The following SEPTIN7 variants were observed in gnomAD, a reference collection of about 807,000 sequenced individuals.
SEPTIN7 encodes septin-7.
Under a neutral mutation model 63.3 loss-of-function variants are expected in SEPTIN7, and 10 were observed. The observed-to-expected ratio is 0.16, with a 90% CI of 0.10 to 0.27. The LOEUF is 0.27. Ranked by LOEUF, SEPTIN7 falls within the 10% of genes least tolerant of loss-of-function variation. SEPTIN7 has a pLI of 1.00. For missense variants in SEPTIN7, 310 were observed against 521.0 expected, an observed-to-expected ratio of 0.59 and a Z score of 3.94; for synonymous variants, 131 against 165.3, an observed-to-expected ratio of 0.79 and a Z score of 1.59.
chr7:35,813,803 C>A (rs1332861469), intron 1 of SEPTIN7, among the ~76,000 whole-genome samples: 2 of 152,142 alleles, frequency 1.3e-5, no homozygotes, highest in African/African-American at 4.8e-5. Flanking sequence ...TGATGAGTAA[C>A]TTGGGATATT....
chr7:35,896,925 A>G (rs1787990008), intron 11 of SEPTIN7, among the ~76,000 whole-genome samples: 1 of 152,232 alleles, frequency 6.6e-6, no homozygotes, highest in Admixed American at 6.5e-5. Flanking sequence ...CTGGTAGCCA[A>G]TATTCTGTCC....
chr7:35,908,690 T>C (rs1006210774), downstream of SEPTIN7, among the ~76,000 whole-genome samples: 2 of 152,102 alleles, frequency 1.3e-5, no homozygotes, highest in Non-Finnish European at 2.9e-5. Context: ...TTTTGTTCTC[T>C]TTGTTCTCTC....
chr7:35,816,506 G>T (rs1457028394), intron 1 of SEPTIN7, among the ~76,000 whole-genome samples: 1 of 152,064 alleles, frequency 6.6e-6, no homozygotes, highest in Non-Finnish European at 1.5e-5. Context: ...TCTACTTTTT[G>T]ACTATTATGG....
At chr7:35,816,431 ATAT>A (rs1340018996) in intron 1 of SEPTIN7, among the ~76,000 whole-genome samples, 1 of 152,006 alleles carries the variant, frequency 6.6e-6, no homozygotes, top group Non-Finnish European at 1.5e-5. Context: ...TTATTGCTGG[ATAT>A]TATTCTGTTG....
chr7:35,914,488 C>A, the SEPTIN7 span, among the ~76,000 whole-genome samples: 2 of 152,144 alleles, frequency 1.3e-5, no homozygotes, highest in African/African-American at 4.8e-5. Flanking sequence ...TCCGGGCTTT[C>A]TTTGGACTCA....
intron 3 of SEPTIN7, among the ~76,000 whole-genome samples, chr7:35,859,119 A>G (rs999231768): frequency 6.6e-6 from 1 of 151,678 alleles, no homozygotes; most frequent in African/African-American, 2.4e-5. Flanking sequence ...TAAAATCTTC[A>G]TTTTTATATA....
intron 4 of SEPTIN7, among the ~76,000 whole-genome samples, chr7:35,869,613 G>A (rs773055791): frequency 2.0e-5 from 3 of 152,142 alleles, no homozygotes; most frequent in Non-Finnish European, 4.4e-5. Flanking sequence ...TAAACATTAA[G>A]TTAGGTTAGT....
chr7:35,832,129 AAAACC>A (rs1431510821), intron 2 of SEPTIN7: 2 of 454,104 alleles, frequency 4.4e-6, no homozygotes, highest in Admixed American at 2.4e-5. Context: ...CTAGGAATAA[AAAACC>A]AATAGAAAAT....
chr7:35,872,840 A>G (rs375491528), intron 5 of SEPTIN7, 74 bp downstream of exon 5: 4 of 993,576 alleles, frequency 4.0e-6, no homozygotes, highest in African/African-American at 1.6e-5. Flanking sequence ...TCTTCTTAAC[A>G]TTTTAAAACT....
intron 2 of SEPTIN7, 144 bp downstream of exon 2, chr7:35,831,640 G>T: frequency 8.6e-6 from 2 of 233,410 alleles, no homozygotes; most frequent in South Asian, 4.9e-5. Context: ...TCAAATATTT[G>T]ACTTAAAAAT....
At chr7:35,853,054 G>A (rs1276637034) in intron 3 of SEPTIN7, among the ~76,000 whole-genome samples, 1 of 152,160 alleles carries the variant, frequency 6.6e-6, no homozygotes, top group African/African-American at 2.4e-5. Flanking sequence ...ATTAAAGGCT[G>A]TTGAACTTAG....
chr7:35,872,807 G>A, intron 5 of SEPTIN7, 41 bp downstream of exon 5: 1 of 1,327,314 alleles, frequency 7.5e-7, no homozygotes, highest in South Asian at 1.2e-5. Context: ...GTGCATTTGG[G>A]GTACTGGGGT....
rs553993276 is a variant in SEPTIN7, at chr7:35,882,882, G to A, written c.723+306G>A. Among the ~76,000 whole-genome samples, 7 of 152,020 alleles carry A rather than the reference G, an allele frequency of 4.6e-5. No individual in the cohort carries two copies. The South Asian group carries it at 1.5e-3, about 32-fold the overall frequency. ...CAAGTGATGAGAAAGGAGAGAATTC[G>A]TTCTGTTATGTTTTAATTGCCAGAC... On this transcript the variant is annotated intron_variant, in intron 8 of 13. Transcript: ENST00000350320.
At chr7:35,882,195 C>T (rs1365494242) in intron 7 of SEPTIN7, among the ~76,000 whole-genome samples, 1 of 151,712 alleles carries the variant, frequency 6.6e-6, no homozygotes, top group East Asian at 1.9e-4. Flanking sequence ...AGAGAAATCC[C>T]TTTCTGGAGT....
chr7:35,803,288 T>A, intron 1 of SEPTIN7: 1 of 265,462 alleles, frequency 3.8e-6, no homozygotes, highest in Non-Finnish European at 5.8e-6. Context: ...GAAGTCATTT[T>A]AAGTAAATCC....
intron 10 of SEPTIN7, among the ~76,000 whole-genome samples, chr7:35,888,281 A>T (rs1410981964): frequency 6.6e-6 from 1 of 152,248 alleles, no homozygotes; most frequent in Non-Finnish European, 1.5e-5. Flanking sequence ...TTAAATGGAA[A>T]TAAAGACTTT....
At chr7:35,869,042 G>A (rs576295273) in intron 4 of SEPTIN7, among the ~76,000 whole-genome samples, 1 of 152,294 alleles carries the variant, frequency 6.6e-6, no homozygotes, top group Non-Finnish European at 1.5e-5. Context: ...TCTTGTTGAG[G>A]TTGAAAGTCA....
intron 1 of SEPTIN7, 119 bp from the exon 2 acceptor site, chr7:35,831,373 T>C (rs887218262): frequency 1.7e-5 from 5 of 291,386 alleles, no homozygotes; most frequent in Middle Eastern, 1.0e-3. Context: ...GATTTGCCTC[T>C]CCTGTTTGGA....
At position 35,888,675 on chromosome 7, in the gene SEPTIN7, T is replaced by C. The variant is rs545755191; in HGVS notation, c.873-1993T>C. 6.2e-4 allele frequency: 107 copies of C among 172,050 alleles called. 1 individual carries two copies. The highest frequency in any genetic ancestry group is 2.5e-5 in the Non-Finnish European group (2 of 78,596). The allele number at this position is 172,050 out of a possible 1,614,324, so 10.7% of individuals were successfully genotyped here. ...TCCCTACTAAAAATACAAGAAATAG[T>C]CGGGCGTGGTGGTGCATGCCTGTAG... is the stretch of plus-strand genomic sequence containing the variant. On this transcript the variant is annotated intron_variant, in intron 10 of 13. Coordinates refer to ENST00000350320, the MANE Select transcript of SEPTIN7 (RefSeq NM_001788.6).
Sources: gnomAD v4.1 joint callset for allele counts (sites outside exome capture counted in the v4.1 genomes callset) on GRCh38, gnomAD v4.1.1 for gene constraint, MANE v1.5 for transcripts, NCBI Gene and HGNC (gene_info 2026-07-23, HGNC 2026-07-21) for gene names.